GRM7: variants seen among roughly 807,000 people sequenced by gnomAD.
GRM7 encodes metabotropic glutamate receptor 7.
Under a neutral mutation model 84.5 loss-of-function variants are expected in GRM7, and 35 were observed. The observed-to-expected ratio is 0.41, with a 90% CI of 0.32 to 0.55. The LOEUF is 0.55. GRM7 is among the 20% of genes least tolerant of loss of function. The pLI, the probability that GRM7 is intolerant of heterozygous loss-of-function variation, is 0.19. For synonymous variants in GRM7, 487 were observed against 455.1 expected, an observed-to-expected ratio of 1.07 and a Z score of -0.89; for missense variants, 1,003 against 1,194.6, an observed-to-expected ratio of 0.84 and a Z score of 2.36.
chr3:7,467,092 C>A (rs1046836718), intron 7 of GRM7, among the ~76,000 whole-genome samples: 5 of 152,108 alleles, frequency 3.3e-5, no homozygotes, highest in African/African-American at 1.2e-4. Context: ...ACACAAGTTT[C>A]TCTTTCTTGT....
chr3:7,737,997 G>A (rs1190829513), intron 9 of GRM7, among the ~76,000 whole-genome samples: 11 of 151,998 alleles, frequency 7.2e-5, no homozygotes, highest in African/African-American at 9.6e-5. Context: ...ACAGGCGCCC[G>A]CCACCACGCC....
At chr3:7,399,754 T>G (rs1439652051) in intron 4 of GRM7, among the ~76,000 whole-genome samples, 1 of 152,114 alleles carries the variant, frequency 6.6e-6, no homozygotes, top group Admixed American at 6.6e-5. Flanking sequence ...TAGGCATCTT[T>G]CCACTCCTCC....
At chr3:7,615,003 A>G (rs1451006166) in intron 8 of GRM7, among the ~76,000 whole-genome samples, 5 of 152,130 alleles carry the variant, frequency 3.3e-5, no homozygotes, top group Non-Finnish European at 7.4e-5. Context: ...CAGTGTTTGT[A>G]AATTTAGTTA....
At chr3:7,298,482 C>T (rs941103702) in intron 2 of GRM7, 17 of 519,732 alleles carry the variant, frequency 3.3e-5, no homozygotes, top group Admixed American at 2.5e-4. Flanking sequence ...AAGAGGATGT[C>T]GTGTAATACC....
Position 7,448,034 on chromosome 3 carries a change from A to G in GRM7, c.1175-4573A>G, listed in dbSNP as rs187539039. 3.5e-3 allele frequency among the ~76,000 whole-genome samples: 526 copies of G among 151,620 alleles called. 5 individuals are homozygous for G. Among genetic ancestry groups the G allele is most frequent in the East Asian group, 0.01 (53 of 5,104 alleles). ...TTGTCCTTGCGATAGTTTACTGAGAATGATGATTTCCAGTTTCATCCATGT... is the reference window on the plus strand; with the variant it reads ...TTGTCCTTGCGATAGTTTACTGAGAGTGATGATTTCCAGTTTCATCCATGT... On this transcript the variant is annotated intron_variant, in intron 5 of 9. Transcript: ENST00000357716.
At chr3:7,479,896 G>T (rs188784735) in intron 7 of GRM7, among the ~76,000 whole-genome samples, 1 of 152,238 alleles carries the variant, frequency 6.6e-6, no homozygotes, top group East Asian at 1.9e-4. Context: ...TCACATAAAA[G>T]TTAACTAACT....
chr3:7,517,924 C>T (rs943713476), intron 7 of GRM7, among the ~76,000 whole-genome samples: 3 of 152,162 alleles, frequency 2.0e-5, no homozygotes, highest in Admixed American at 1.3e-4. Context: ...CGGCTCAGGA[C>T]CTTTACATCT....
intron 7 of GRM7, among the ~76,000 whole-genome samples, chr3:7,540,967 T>C (rs1692846577): frequency 6.6e-6 from 1 of 152,150 alleles, no homozygotes; most frequent in Non-Finnish European, 1.5e-5. Flanking sequence ...GAAGTACATA[T>C]AGATTATTCA....
At chr3:7,552,488 G>A (rs962215217) in intron 7 of GRM7, among the ~76,000 whole-genome samples, 1 of 152,176 alleles carries the variant, frequency 6.6e-6, no homozygotes, top group Non-Finnish European at 1.5e-5. Context: ...CACTGCCCTA[G>A]CAGAGGTCAT....
chr3:7,358,641 T>A (rs560128596), intron 4 of GRM7, among the ~76,000 whole-genome samples: 6 of 147,648 alleles, frequency 4.1e-5, no homozygotes, highest in Admixed American at 2.7e-4. Context: ...TTTATGTTAC[T>A]GGGATCTCTT....
chr3:7,559,713 C>G (rs906000870), intron 7 of GRM7, among the ~76,000 whole-genome samples: 4 of 152,122 alleles, frequency 2.6e-5, no homozygotes, highest in Admixed American at 1.3e-4. Context: ...AATCAGTGGT[C>G]TTACCTAGTA....
At chr3:6,990,084 G>A (rs181610200) in intron 1 of GRM7, among the ~76,000 whole-genome samples, 57 of 152,316 alleles carry the variant, frequency 3.7e-4, no homozygotes, top group Admixed American at 2.1e-3. Flanking sequence ...CTGTGCCTAA[G>A]AGGGCTGCTC....
intron 2 of GRM7, among the ~76,000 whole-genome samples, chr3:7,154,875 G>C (rs1694399176): frequency 6.6e-6 from 1 of 152,050 alleles, no homozygotes; most frequent in African/African-American, 2.4e-5. Flanking sequence ...TCTCTTCCTA[G>C]TCTTCACAAA....
chr3:7,329,803 T>A (rs1300897061), intron 4 of GRM7, among the ~76,000 whole-genome samples: 1 of 152,190 alleles, frequency 6.6e-6, no homozygotes, highest in Non-Finnish European at 1.5e-5. Flanking sequence ...TATGCATGGA[T>A]GTATGTATAC....
intron 1 of GRM7, among the ~76,000 whole-genome samples, chr3:6,895,640 T>C (rs9882058): frequency 0.28 from 42,857 of 152,016 alleles, 6,735 homozygotes; most frequent in African/African-American, 0.41. Flanking sequence ...TCAGAATCTA[T>C]CTCAGAGCAT....
At chr3:7,237,867 C>T (rs563333351) in intron 2 of GRM7, among the ~76,000 whole-genome samples, 2 of 152,138 alleles carry the variant, frequency 1.3e-5, no homozygotes, top group South Asian at 2.1e-4. Context: ...CTGATTGGTG[C>T]GTTTACAAAC....
chr3:7,573,778 G>A (rs983954523), intron 7 of GRM7, among the ~76,000 whole-genome samples: 2 of 152,158 alleles, frequency 1.3e-5, no homozygotes, highest in African/African-American at 2.4e-5. Flanking sequence ...CTTTTTCTGA[G>A]CATTCTCAGG....
chr3:7,423,622 G>A (rs1431115962), intron 5 of GRM7, among the ~76,000 whole-genome samples: 1 of 152,058 alleles, frequency 6.6e-6, no homozygotes, highest in African/African-American at 2.4e-5. Flanking sequence ...AGAGTTTCTA[G>A]TAATAGAGGC....
chr3:7,687,416 C>A (rs1559487800), intron 9 of GRM7, among the ~76,000 whole-genome samples: 1 of 152,168 alleles, frequency 6.6e-6, no homozygotes. Flanking sequence ...ACAACACTTG[C>A]TATGGCAAGC....
Sources: allele counts gnomAD v4.1 joint callset (sites outside exome capture counted in the v4.1 genomes callset), GRCh38; gene constraint gnomAD v4.1.1; transcripts MANE v1.5; gene names NCBI Gene and HGNC (gene_info 2026-07-23, HGNC 2026-07-21).